The following TARBP1 variants were observed in gnomAD, a reference collection of about 807,000 sequenced individuals.
The protein encoded by TARBP1 is tRNA (guanosine(18)-2'-O)-methyltransferase TARBP1.
TARBP1 carries 144 observed loss-of-function variants against 178.6 expected under a neutral mutation model. The observed-to-expected ratio is 0.81, with a 90% CI of 0.70 to 0.93. The LOEUF is 0.93. Ranked by LOEUF, TARBP1 falls within the 40% of genes least tolerant of loss-of-function variation. The pLI is 0.00. For synonymous variants in TARBP1, 787 were observed against 781.0 expected, an observed-to-expected ratio of 1.01 and a Z score of -0.13; for missense variants, 2,067 against 2,011.7, an observed-to-expected ratio of 1.03 and a Z score of -0.53.
chr1:234,429,146 T>C lies in TARBP1; in HGVS notation c.3050A>G (p.Lys1017Arg), dbSNP rs746550919. The C allele has an allele frequency of 6.4e-7, 1 of 1,569,488 alleles. No individual in the cohort carries two copies. The highest frequency in any genetic ancestry group is 1.2e-5 in the South Asian group (1 of 82,702). The change falls in exon 17 of 30, where the codon AAA (lysine) becomes AGA (arginine). Residue 1017 changes from lysine to arginine, a missense_variant. Lys to Arg is a conservative substitution (Grantham distance 26). Coordinates refer to ENST00000040877, the MANE Select transcript of TARBP1 (RefSeq NM_005646.4). ...AAKIKGQAYF[K>R]IKEIMYKIIE... ...AAGAAAGTTAGTTACCTCTTTTATT[T>C]TGAAATATGCCTGGCCCTTGATTTT...
At chr1:234,411,781 A>G (rs887308274) in intron 22 of TARBP1, among the ~76,000 whole-genome samples, 1 of 152,154 alleles carries the variant, frequency 6.6e-6, no homozygotes, top group Admixed American at 6.5e-5. Flanking sequence ...AACTATTATT[A>G]TTTCATAATC....
intron 11 of TARBP1, among the ~76,000 whole-genome samples, chr1:234,448,268 A>C (rs1195013920): frequency 1.3e-5 from 2 of 152,238 alleles, no homozygotes; most frequent in Non-Finnish European, 2.9e-5. Context: ...GTTAAGTTTA[A>C]CATTTAATTT....
chr1:234,406,979 C>A (rs1661308981), intron 23 of TARBP1: 1 of 152,238 alleles, frequency 6.6e-6, no homozygotes, highest in Non-Finnish European at 1.5e-5. Flanking sequence ...AAGGCATCAG[C>A]ATGGCTGATA....
At chr1:234,423,106 C>G (rs1236616865) in intron 20 of TARBP1, among the ~76,000 whole-genome samples, 1 of 152,234 alleles carries the variant, frequency 6.6e-6, no homozygotes, top group African/African-American at 2.4e-5. Context: ...AGAGACCACA[C>G]TTTAAGAATT....
At chr1:234,468,030 C>T (rs759133073) in intron 3 of TARBP1, among the ~76,000 whole-genome samples, 2 of 152,136 alleles carry the variant, frequency 1.3e-5, no homozygotes, top group Non-Finnish European at 2.9e-5. Flanking sequence ...CCTCCATCCT[C>T]GGCCTGCCAA....
chr1:234,468,780 G>A (rs1294378693), intron 3 of TARBP1, among the ~76,000 whole-genome samples: 1 of 151,666 alleles, frequency 6.6e-6, no homozygotes, highest in African/African-American at 2.4e-5. Flanking sequence ...CTTCTGTTCT[G>A]CCTCCTACAG....
intron 26 of TARBP1, 151 bp from the exon 27 acceptor site, chr1:234,393,988 T>G (rs1052458225): frequency 4.5e-6 from 3 of 670,562 alleles, no homozygotes; most frequent in Non-Finnish European, 6.8e-6. Context: ...GTAAAAAACT[T>G]TAGTTGGATT....
rs1276341756 is a variant in TARBP1, at chr1:234,430,190, C to T, written c.2506G>A (p.Gly836Arg). 2 of 1,614,078 alleles carry T rather than the reference C, an allele frequency of 1.2e-6. No homozygotes were observed. The highest frequency in any genetic ancestry group is 2.7e-5 in the African/African-American group (2 of 74,942). The change falls in exon 15 of 30, where the codon GGG becomes AGG. Residue 836 changes from glycine (G) to arginine (R), a missense_variant. Gly to Arg is a moderately radical substitution (Grantham distance 125). Transcript: ENST00000040877. ...GAGGAAAGGAAGCTTTCCAGGGGCC[C>T]AGCATGGAGAGAGTCCAGCTGCAGC... ...PELQLDSLHA[G>R]PLESFLSSLQ...
At chr1:234,416,401 A>G (rs898510775) in intron 22 of TARBP1, among the ~76,000 whole-genome samples, 12 of 152,208 alleles carry the variant, frequency 7.9e-5, no homozygotes, top group Admixed American at 3.9e-4. Context: ...GGTTCAAGCT[A>G]TTCTCCTGCC....
intron 3 of TARBP1, among the ~76,000 whole-genome samples, chr1:234,469,077 T>TTAAA (rs1413764322): frequency 3.6e-4 from 23 of 63,744 alleles, no homozygotes; most frequent in African/African-American, 6.1e-4. Flanking sequence ...TTTTTTTTTT[T>TTAAA]AAAAAAAAAA....
Position 234,450,523 on chromosome 1 carries a change from G to A in TARBP1, c.1766C>T (p.Ser589Phe), listed in dbSNP as rs1160994032. 3 of 1,611,682 alleles carry A rather than the reference G, an allele frequency of 1.9e-6. No individual in the cohort carries two copies. Among genetic ancestry groups the A allele is most frequent in the Non-Finnish European group, 2.5e-6 (3 of 1,179,200 alleles). ...AAGTCCAATGGAGCTACACGTAGGG[G>A]ATGGCTTAAAATAGCTTTCATTAAC... ...LRVNESYFKP[S>F]PTCSSIGLHK... Residue 589 changes from serine (S) to phenylalanine (F), a missense_variant, in exon 10 of 30, where the codon TCC (serine) becomes TTC (phenylalanine). Physicochemically the swap from Ser to Phe is radical, Grantham distance 155. Coordinates refer to ENST00000040877, the MANE Select transcript of TARBP1 (RefSeq NM_005646.4).
chr1:234,429,606 A>G lies in TARBP1; in HGVS notation c.2681T>C (p.Val894Ala). ...TTTTTTCAACAGGAAAGAGAGGCAC[A>G]CCCATTGATCATGAATATATTGTGC... ...IVAQYIHDQW[V>A]CLSFLLKKYH... The change falls in exon 16 of 30, where the codon GTG becomes GCG. Residue 894 changes from valine to alanine, a missense_variant. Transcript: ENST00000040877. 1 of 1,614,100 alleles carries G rather than the reference A, an allele frequency of 6.2e-7. No homozygotes were observed. The highest frequency in any genetic ancestry group is 8.5e-7 in the Non-Finnish European group (1 of 1,179,990).
chr1:234,405,832 GGGCACTGCCCCCT>G (rs1255752936), intron 24 of TARBP1, 58 bp downstream of exon 24: 2 of 1,414,698 alleles, frequency 1.4e-6, no homozygotes, highest in African/African-American at 1.4e-5. Context: ...GACACAGTAT[GGGCACTGCCCCCT>G]CCCTGTGGGC....
chr1:234,398,625 C>T, intron 25 of TARBP1, 72 bp from the exon 26 acceptor site: 2 of 1,145,266 alleles, frequency 1.7e-6, no homozygotes, highest in Non-Finnish European at 2.4e-6. Context: ...ATTTAAAATA[C>T]AACTTAATTA....
intron 9 of TARBP1, among the ~76,000 whole-genome samples, chr1:234,455,923 CAA>C (rs1160435237): frequency 1.3e-5 from 2 of 151,960 alleles, no homozygotes; most frequent in Non-Finnish European, 1.5e-5. Context: ...AGAAATACTA[CAA>C]AGACATGAAA....
At chr1:234,454,907 A>G (rs1274298602) in intron 9 of TARBP1, among the ~76,000 whole-genome samples, 2 of 152,220 alleles carry the variant, frequency 1.3e-5, no homozygotes, top group African/African-American at 2.4e-5. Flanking sequence ...AGGGGGCCCA[A>G]TGTAATCCTA....
chr1:234,396,179 C>T (rs1471692729), intron 26 of TARBP1, among the ~76,000 whole-genome samples: 1 of 152,236 alleles, frequency 6.6e-6, no homozygotes, highest in East Asian at 1.9e-4. Flanking sequence ...AGACAGACCT[C>T]GTTAGCCATT....
At chr1:234,431,061 C>T (rs1664386015) in intron 14 of TARBP1, among the ~76,000 whole-genome samples, 1 of 152,222 alleles carries the variant, frequency 6.6e-6, no homozygotes, top group Non-Finnish European at 1.5e-5. Context: ...GACAATCTCT[C>T]ACCAAGCTAG....
At position 234,478,694 on chromosome 1, in the gene TARBP1, G is replaced by T. The variant is rs1315993245; in HGVS notation, c.410C>A (p.Ala137Asp). Residue 137 changes from alanine (A) to aspartate (D), a missense_variant, in exon 1 of 30, where the codon GCC (alanine) becomes GAC (aspartate). Ala to Asp is a moderately radical substitution (Grantham distance 126). Transcript: ENST00000040877. ...DLLAGWRAPG[A>D]EAAVEVLAAV... ...TGCTAGCACTTCCACGGCAGCCTCG[G>T]CGCCAGGCGCGCGCCACCCGGCGAG... The T allele has an allele frequency of 8.2e-7, 1 of 1,214,130 alleles. No homozygotes were observed. Among genetic ancestry groups the T allele is most frequent in the Non-Finnish European group, 1.0e-6 (1 of 975,976 alleles). The allele number at this position is 1,214,130 out of a possible 1,614,324, so 75.2% of individuals were successfully genotyped here.
Sources: allele counts gnomAD v4.1 joint callset (sites outside exome capture counted in the v4.1 genomes callset), GRCh38; gene constraint gnomAD v4.1.1; transcripts MANE v1.5; gene names NCBI Gene and HGNC (gene_info 2026-07-23, HGNC 2026-07-21).